The following PPM1G variants were observed in gnomAD, a reference collection of about 807,000 sequenced individuals.
PPM1G encodes the protein protein phosphatase, Mg2+/Mn2+ dependent 1G.
Under a neutral mutation model 59.4 loss-of-function variants are expected in PPM1G, and 12 were observed. That is an observed-to-expected ratio of 0.20 (90% CI 0.13 to 0.33). PPM1G has a LOEUF of 0.33. Among genes scored for constraint, PPM1G ranks in the 10% least tolerant of loss-of-function variants. PPM1G has a pLI of 1.00. For missense variants in PPM1G, 392 were observed against 681.3 expected (o/e 0.58, Z 4.73); for synonymous variants, 245 against 251.9 (o/e 0.97, Z 0.26).
chr2:27,395,570 T>C (rs1243858255), intron 1 of PPM1G, among the ~76,000 whole-genome samples: 3 of 151,578 alleles, frequency 2.0e-5, no homozygotes, highest in Non-Finnish European at 4.4e-5. Context: ...TGGTTGGGCA[T>C]GTTGGCTCAT....
chr2:27,407,996 G>A (rs1423090942), intron 1 of PPM1G, among the ~76,000 whole-genome samples: 1 of 151,590 alleles, frequency 6.6e-6, no homozygotes, highest in Non-Finnish European at 1.5e-5. Context: ...GCGGTGAGCC[G>A]AGATCGCGCC....
At chr2:27,403,359 T>C (rs1684229670) in intron 1 of PPM1G, among the ~76,000 whole-genome samples, 1 of 151,548 alleles carries the variant, frequency 6.6e-6, no homozygotes, top group Non-Finnish European at 1.5e-5. Context: ...GGTAGGCAAA[T>C]TGCTAGAACC....
At chr2:27,394,078 G>A (rs541769489) in intron 1 of PPM1G, among the ~76,000 whole-genome samples, 3 of 150,368 alleles carry the variant, frequency 2.0e-5, no homozygotes, top group Non-Finnish European at 4.4e-5. Context: ...TTTATTTTTA[G>A]CAGAGATGGG....
At chr2:27,393,541 G>C (rs975020690) in intron 1 of PPM1G, among the ~76,000 whole-genome samples, 1 of 152,180 alleles carries the variant, frequency 6.6e-6, no homozygotes, top group South Asian at 2.1e-4. Context: ...CACTGTTGAA[G>C]CAGGAAACCC....
intron 1 of PPM1G, among the ~76,000 whole-genome samples, chr2:27,400,149 C>T (rs1684149007): frequency 6.6e-6 from 1 of 152,128 alleles, no homozygotes. Context: ...GTAATCCCAG[C>T]ACTTTGGGAG....
rs1683743716 is a variant in PPM1G at position 27,385,655 on chromosome 2, A to G, written c.409+92T>C. The G allele has an allele frequency of 2.7e-6, 4 of 1,509,036 alleles. No homozygotes were observed. 93.5% of individuals were successfully genotyped at this position (1,509,036 alleles called of 1,614,324 possible). A position where few individuals can be genotyped will look rare whatever the true frequency, so the allele number is the denominator to read the frequency against. On this transcript the variant is annotated intron_variant, in intron 4 of 9. Transcript: ENST00000344034. This position sits in a 1 kb window ranked among gnomAD's most constrained non-coding sequence, Gnocchi z 4.1. ...TAACATAAGGACTCCCCAGGTCCCT[A>G]GAAAGCCATCCTATCTTAGAATTGA...
In PPM1G at chr2:27,385,401, C is replaced by T. The variant is rs1683739846; in HGVS notation, c.410-313G>A. Reference sequence around the variant, plus strand: ...AGGATCCAGGAAGCCCACAATGCTACTGTGAATTAGGATTTAGGCTTAATG... The same window carrying T: ...AGGATCCAGGAAGCCCACAATGCTATTGTGAATTAGGATTTAGGCTTAATG... On this transcript the variant is annotated intron_variant, in intron 4 of 9. Transcript: ENST00000344034. The surrounding 1 kb of genome is among the most constrained non-coding windows in gnomAD (Gnocchi z 4.1). The T allele has an allele frequency of 9.5e-6, 4 of 423,220 alleles. No individual in the cohort carries two copies. The Admixed American group carries it at 1.2e-4, about 13-fold the overall frequency. 26.2% of individuals were successfully genotyped at this position (423,220 alleles called of 1,614,324 possible).
In PPM1G at chr2:27,382,834, T is replaced by TG. The variant is rs1482072667; in HGVS notation, c.1202-230_1202-229insC. Among the ~76,000 whole-genome samples, 14 of 151,632 alleles carry TG rather than the reference T, an allele frequency of 9.2e-5. No individual in the cohort carries two copies. The highest frequency in any genetic ancestry group is 1.8e-4 in the Non-Finnish European group (12 of 67,886). ...TTTTATTTTAAGTCTTTTTTGTTTTTTTTTTTTTGAGACGGAGTTTCACTC... is the reference window on the plus strand; with the variant it reads ...TTTTATTTTAAGTCTTTTTTGTTTTTGTTTTTTTTGAGACGGAGTTTCACTC... On this transcript the variant is annotated intron_variant, in intron 7 of 9. Coordinates refer to ENST00000344034, the MANE Select transcript of PPM1G (RefSeq NM_177983.3). This position sits in a 1 kb window ranked among gnomAD's most constrained non-coding sequence, Gnocchi z 4.2.
chr2:27,385,124 A>C lies in PPM1G; in HGVS notation c.410-36T>G. ...GAGGCTAAATCAGAGCCCCCATGCC[A>C]GACTCCTCATGGGATCCGTCCCTCT... On this transcript the variant is annotated intron_variant, in intron 4 of 9. Coordinates refer to ENST00000344034, the MANE Select transcript of PPM1G (RefSeq NM_177983.3). The surrounding 1 kb of genome is among the most constrained non-coding windows in gnomAD (Gnocchi z 4.1). 1 of 1,540,390 alleles carries C rather than the reference A, an allele frequency of 6.5e-7. No individual in the cohort carries two copies. Among genetic ancestry groups the C allele is most frequent in the East Asian group, 2.3e-5 (1 of 44,342 alleles).
chr2:27,400,206 G>A (rs2148426407), intron 1 of PPM1G, among the ~76,000 whole-genome samples: 1 of 152,076 alleles, frequency 6.6e-6, no homozygotes, highest in Non-Finnish European at 1.5e-5. Flanking sequence ...AGACCGCCCT[G>A]GGCAACACAG....
chr2:27,398,686 G>A (rs948562364), intron 1 of PPM1G, among the ~76,000 whole-genome samples: 3 of 151,992 alleles, frequency 2.0e-5, no homozygotes, highest in South Asian at 4.2e-4. Context: ...GCTGCGCATG[G>A]TGGCATGTGC....
chr2:27,391,517 G>A (rs1683901960), intron 1 of PPM1G, among the ~76,000 whole-genome samples: 1 of 152,120 alleles, frequency 6.6e-6, no homozygotes, highest in East Asian at 1.9e-4. Flanking sequence ...CACTTTTTAA[G>A]GGGGTTATTT....
In PPM1G at chr2:27,387,074, A is replaced by C; in HGVS notation, c.190+15T>G. The C allele has an allele frequency of 1.3e-6, 2 of 1,590,904 alleles. No homozygotes were observed. Among genetic ancestry groups the C allele is most frequent in the Non-Finnish European group, 1.7e-6 (2 of 1,158,974 alleles). ...GGGGTCCTAGAATGTTACCAATATG[A>C]TCTGTTAAAGTTACCTCCATGTCCA... On this transcript the variant is annotated intron_variant, in intron 2 of 9. Transcript: ENST00000344034.
chr2:27,381,948 G>T, intron 9 of PPM1G, 143 bp from the exon 10 acceptor site: 1 of 1,004,450 alleles, frequency 1.0e-6, no homozygotes. Flanking sequence ...CCACCTGCTA[G>T]TCCATAAGGC....
At chr2:27,391,706 C>T (rs1683908469) in intron 1 of PPM1G, among the ~76,000 whole-genome samples, 1 of 151,390 alleles carries the variant, frequency 6.6e-6, no homozygotes, top group Non-Finnish European at 1.5e-5. Context: ...CTCTGACTGC[C>T]TGTTTCTACA....
intron 3 of PPM1G, 93 bp downstream of exon 3, chr2:27,386,101 A>G: frequency 1.5e-6 from 2 of 1,302,864 alleles, no homozygotes; most frequent in Non-Finnish European, 2.2e-6. Context: ...AAGCAGCAGC[A>G]GCTAGAGGAC....
Position 27,384,766 on chromosome 2 carries a change from G to A in PPM1G, c.732C>T (p.Ala244=). 6.2e-7 allele frequency: 1 copy of A among 1,614,234 alleles called. No individual in the cohort carries two copies. Among genetic ancestry groups the A allele is most frequent in the Admixed American group, 1.7e-5 (1 of 60,020 alleles). The change falls in exon 5 of 10, where the codon GCC becomes GCT. Residue 244 remains alanine, a synonymous_variant. Coordinates refer to ENST00000344034, the MANE Select transcript of PPM1G (RefSeq NM_177983.3). This position sits in a 1 kb window ranked among gnomAD's most constrained non-coding sequence, Gnocchi z 4.8. ...TAGCAACTCGAGGCAGCTTGTCAGA[G>A]GCTGAAGAGCAGGAAGGCCCAGCCT... ...TGEAGPSCSS[A]SDKLPRVAKS... is the part of the protein sequence containing the mutation.
chr2:27,387,561 C>T (rs559401610), intron 1 of PPM1G, among the ~76,000 whole-genome samples: 2 of 151,806 alleles, frequency 1.3e-5, no homozygotes, highest in South Asian at 2.1e-4. Context: ...AGTGCAGTGG[C>T]GCGATCTTGG....
chr2:27,389,967 C>T (rs1049226272), intron 1 of PPM1G, among the ~76,000 whole-genome samples: 2 of 152,048 alleles, frequency 1.3e-5, no homozygotes, highest in African/African-American at 4.8e-5. Context: ...GACCCCATCT[C>T]TAAAACAAAA....
Sources: gnomAD v4.1 joint callset for allele counts (sites outside exome capture counted in the v4.1 genomes callset) on GRCh38, gnomAD v4.1.1 for gene constraint, Gnocchi (gnomAD v3.1) non-coding constraint, MANE v1.5 for transcripts, NCBI Gene and HGNC (gene_info 2026-07-23, HGNC 2026-07-21) for gene names.